CLVS1: variants seen among roughly 807,000 people sequenced by gnomAD.
The protein encoded by CLVS1 is clavesin 1.
Under a neutral mutation model 33.1 loss-of-function variants are expected in CLVS1, and 10 were observed. The ratio of observed to expected loss-of-function variants is 0.30; its 90% CI spans 0.19 to 0.51. CLVS1 has a LOEUF of 0.51. Among genes scored for constraint, CLVS1 ranks in the 20% least tolerant of loss-of-function variants. CLVS1 has a pLI of 0.97. For missense variants in CLVS1, 343 were observed against 433.4 expected, an observed-to-expected ratio of 0.79 and a Z score of 1.85; for synonymous variants, 163 against 166.1, an observed-to-expected ratio of 0.98 and a Z score of 0.14.
At chr8:61,051,779 G>T in the CLVS1 span, among the ~76,000 whole-genome samples, 1 of 152,226 alleles carries the variant, frequency 6.6e-6, no homozygotes, top group African/African-American at 2.4e-5. Context: ...GCATCTGGCC[G>T]TGCTGGCCCA....
intron 1 of CLVS1, among the ~76,000 whole-genome samples, chr8:61,066,174 T>A (rs1227379941): frequency 6.6e-6 from 1 of 152,172 alleles, no homozygotes; most frequent in Non-Finnish European, 1.5e-5. Context: ...ACCAAGAGAA[T>A]ATGTTCATGT....
At chr8:61,471,028 A>G (rs1586020668) in intron 5 of CLVS1, among the ~76,000 whole-genome samples, 2 of 152,218 alleles carry the variant, frequency 1.3e-5, no homozygotes, top group Non-Finnish European at 2.9e-5. Flanking sequence ...CTCCACGTAC[A>G]CAGCCCAGCA....
At chr8:61,401,135 T>C (rs112842163) in intron 3 of CLVS1, among the ~76,000 whole-genome samples, 3,117 of 151,986 alleles carry the variant, frequency 0.021, 89 homozygotes, top group African/African-American at 0.07. Context: ...ATCCTGAAAC[T>C]TTGCTGAATT....
At chr8:61,481,796 G>A (rs2129608225) in intron 5 of CLVS1, among the ~76,000 whole-genome samples, 1 of 152,350 alleles carries the variant, frequency 6.6e-6, no homozygotes, top group South Asian at 2.1e-4. Context: ...ATAAAATGCA[G>A]CAGAAACTTC....
At chr8:61,044,162 T>C in the CLVS1 span, among the ~76,000 whole-genome samples, 1 of 152,218 alleles carries the variant, frequency 6.6e-6, no homozygotes, top group Middle Eastern at 3.2e-3. Context: ...GCCATGGTCC[T>C]AGAGGTATCT....
intron 2 of CLVS1, among the ~76,000 whole-genome samples, chr8:61,225,340 GA>G (rs969211971): frequency 2.3e-4 from 35 of 151,522 alleles, no homozygotes; most frequent in African/African-American, 5.1e-4. Flanking sequence ...AAAATAATAA[GA>G]AAAAAAAGAA....
chr8:61,361,464 G>T (rs1450469740), intron 2 of CLVS1, among the ~76,000 whole-genome samples: 1 of 152,106 alleles, frequency 6.6e-6, no homozygotes, highest in African/African-American at 2.4e-5. Flanking sequence ...ATACCTCAAA[G>T]GACATTCTCC....
chr8:61,055,836 C>T (rs746877054), upstream of CLVS1, among the ~76,000 whole-genome samples: 4 of 152,344 alleles, frequency 2.6e-5, no homozygotes, highest in South Asian at 2.1e-4. Context: ...GTATCTTGCC[C>T]GTGTAACTCT....
At chr8:61,060,436 T>C (rs1804562348) in intron 1 of CLVS1, among the ~76,000 whole-genome samples, 1 of 152,206 alleles carries the variant, frequency 6.6e-6, no homozygotes, top group Non-Finnish European at 1.5e-5. Context: ...GAGCTGATCA[T>C]TCAGCAGTTT....
chr8:61,057,276 T>G (rs1241949716), intron 1 of CLVS1: 1 of 152,082 alleles, frequency 6.6e-6, no homozygotes, highest in African/African-American at 2.4e-5. Flanking sequence ...GCTTCACCTC[T>G]TCTCTCATGT....
At chr8:61,143,822 TATA>T (rs1806360880) in intron 2 of CLVS1, among the ~76,000 whole-genome samples, 1 of 147,620 alleles carries the variant, frequency 6.8e-6, no homozygotes. Context: ...AATTCACATA[TATA>T]ATATGTATAT....
intron 2 of CLVS1, among the ~76,000 whole-genome samples, chr8:61,232,035 T>TGTTTG (rs1563455116): frequency 1.2e-4 from 16 of 131,126 alleles, no homozygotes; most frequent in African/African-American, 4.6e-4. Context: ...TTTTTTTTTT[T>TGTTTG]TTTTTTTTTT....
chr8:61,218,935 A>C lies in CLVS1; in HGVS notation c.-151-80742A>C, dbSNP rs569510956. ...CTACAGCCTGGGCAACAAGAGTGAA[A>C]CTTCGTCTCAAATAAAACAAAACAA... On this transcript the variant is annotated intron_variant, in intron 2 of 2. Coordinates refer to the CLVS1 transcript ENST00000522621. Among the ~76,000 whole-genome samples the C allele has an allele frequency of 6.7e-3, 1,015 of 152,216 alleles. 16 individuals carry two copies. Among genetic ancestry groups the C allele is most frequent in the African/African-American group, 0.023 (955 of 41,542 alleles).
chr8:61,035,111 C>T, the CLVS1 span, among the ~76,000 whole-genome samples: 2 of 151,738 alleles, frequency 1.3e-5, no homozygotes, highest in African/African-American at 4.8e-5. Flanking sequence ...AATAGAGGTG[C>T]AAATTGTATC....
At chr8:61,208,028 G>A (rs1271612341) in intron 2 of CLVS1, among the ~76,000 whole-genome samples, 2 of 152,224 alleles carry the variant, frequency 1.3e-5, no homozygotes. Flanking sequence ...AGCGGCCACA[G>A]CCAGCAGGAA....
the CLVS1 span, among the ~76,000 whole-genome samples, chr8:61,027,869 A>G: frequency 6.6e-6 from 1 of 152,224 alleles, no homozygotes; most frequent in Non-Finnish European, 1.5e-5. Flanking sequence ...ATTTTCCTCA[A>G]GGTAATCTCA....
upstream of CLVS1, chr8:61,057,020 G>A (rs3857971): frequency 0.45 from 68,587 of 152,044 alleles, 17,353 homozygotes; most frequent in African/African-American, 0.68. Context: ...CTGCAGCAAC[G>A]GTTCTTTCCA....
At chr8:61,249,065 G>C (rs1808879343) in intron 2 of CLVS1, among the ~76,000 whole-genome samples, 1 of 151,876 alleles carries the variant, frequency 6.6e-6, no homozygotes, top group Non-Finnish European at 1.5e-5. Context: ...TCTTCCCCAA[G>C]TCCCCCACCC....
intron 1 of CLVS1, among the ~76,000 whole-genome samples, chr8:61,293,772 C>G (rs1585759482): frequency 6.6e-6 from 1 of 152,126 alleles, no homozygotes; most frequent in East Asian, 1.9e-4. Flanking sequence ...TCACACATAC[C>G]AATGGATGAG....
Sources: gnomAD v4.1 joint callset for allele counts (sites outside exome capture counted in the v4.1 genomes callset) on GRCh38, gnomAD v4.1.1 for gene constraint, MANE v1.5 for transcripts, NCBI Gene and HGNC (gene_info 2026-07-23, HGNC 2026-07-21) for gene names.